FNBP4: variants seen among roughly 807,000 people sequenced by gnomAD.
FNBP4 encodes the protein formin binding protein 4.
FNBP4 carries 34 observed loss-of-function variants against 119.3 expected under a neutral mutation model. The observed-to-expected ratio is 0.28, with a 90% CI of 0.22 to 0.38. The LOEUF (loss-of-function observed/expected upper bound fraction) is 0.38. FNBP4 is among the 10% of genes least tolerant of loss of function. The pLI is 1.00. For missense variants in FNBP4, 1,112 were observed against 1,228.9 expected (o/e 0.90, Z 1.42); for synonymous variants, 462 against 430.6 (o/e 1.07, Z -0.90).
intron 15 of FNBP4, among the ~76,000 whole-genome samples, chr11:47,720,700 C>A (rs1019671811): frequency 3.3e-5 from 5 of 150,746 alleles, no homozygotes; most frequent in Non-Finnish European, 5.9e-5. Flanking sequence ...GCCTTTATCG[C>A]GTCTCAGAAT....
chr11:47,746,510 T>TA, intron 6 of FNBP4, 116 bp from the exon 7 acceptor site: 1 of 933,030 alleles, frequency 1.1e-6, no homozygotes, highest in Non-Finnish European at 1.6e-6. Flanking sequence ...ATACTCAAGG[T>TA]AAAAACGACT....
intron 15 of FNBP4, among the ~76,000 whole-genome samples, chr11:47,722,691 A>C (rs2097557175): frequency 6.6e-6 from 1 of 152,016 alleles, no homozygotes; most frequent in Non-Finnish European, 1.5e-5. Context: ...CCTGGGTTCA[A>C]GCGATTCTCC....
chr11:47,756,394 AGTTTTGTGTGTCAT>A (rs2097618273), intron 2 of FNBP4, among the ~76,000 whole-genome samples: 3 of 152,200 alleles, frequency 2.0e-5, no homozygotes, highest in African/African-American at 7.2e-5. Flanking sequence ...AGTTAAATCT[AGTTTTGTGTGTCAT>A]ACATCCCATA....
intron 8 of FNBP4, among the ~76,000 whole-genome samples, chr11:47,738,750 G>A (rs188089669): frequency 6.5e-4 from 98 of 150,802 alleles, no homozygotes; most frequent in African/African-American, 2.3e-3. Flanking sequence ...GAGCTATCTC[G>A]GCTCATTGCA....
intron 2 of FNBP4, among the ~76,000 whole-genome samples, chr11:47,755,406 G>A (rs549407896): frequency 4.4e-4 from 67 of 152,016 alleles, no homozygotes; most frequent in African/African-American, 1.5e-3. Context: ...CTGAGATCAC[G>A]CCACTGCACT....
At chr11:47,759,473 G>A (rs1004672302) in intron 2 of FNBP4, among the ~76,000 whole-genome samples, 26 of 151,708 alleles carry the variant, frequency 1.7e-4, no homozygotes, top group Admixed American at 1.3e-3. Context: ...CTTGGCCTCC[G>A]AAAGTGCTGA....
rs1474995001 is a variant in FNBP4, at chr11:47,740,662, C to T, written c.1456+3291G>A. Reference sequence around the variant, plus strand: ...AGGCTGAAGTGCAGTGGCACAAACTCGGCTCACTCCAACTTCCGCCTCCTG... The same window carrying T: ...AGGCTGAAGTGCAGTGGCACAAACTTGGCTCACTCCAACTTCCGCCTCCTG... On this transcript the variant is annotated intron_variant, in intron 8 of 16. Coordinates refer to ENST00000263773, the MANE Select transcript of FNBP4 (RefSeq NM_015308.5). Among the ~76,000 whole-genome samples the T allele has an allele frequency of 1.3e-5, 2 of 151,318 alleles. 1 individual carries two copies. Among genetic ancestry groups the T allele is most frequent in the African/African-American group, 4.9e-5 (2 of 40,802 alleles).
intron 6 of FNBP4, among the ~76,000 whole-genome samples, chr11:47,747,857 A>C (rs575629745): frequency 6.6e-6 from 1 of 152,230 alleles, no homozygotes; most frequent in South Asian, 2.1e-4. Context: ...CTGAGGCAGA[A>C]GAATCGCTTG....
At chr11:47,721,686 T>C (rs1247317351) in intron 15 of FNBP4, among the ~76,000 whole-genome samples, 3 of 152,020 alleles carry the variant, frequency 2.0e-5, no homozygotes, top group African/African-American at 7.2e-5. Flanking sequence ...CTTACCTTCA[T>C]TGTCTAAATC....
At position 47,734,044 on chromosome 11, in the gene FNBP4, A is replaced by T; in HGVS notation, c.1667T>A (p.Val556Glu). The change falls in exon 10 of 17, where the codon GTG becomes GAG. Residue 556 changes from valine to glutamate, a missense_variant. Around this residue, in one of 2 missense-constraint regions of FNBP4, gnomAD observed 826 missense variants for 988.8 expected, o/e 0.84. Coordinates refer to ENST00000263773, the MANE Select transcript of FNBP4 (RefSeq NM_015308.5). ...INRQSISNFH[V>E]LLLQTETRIA... ...ACTTACCTCAGTCTGTAAGAGCAGC[A>T]CATGAAAGTTGGAGATGGATTGTCT... is the stretch of plus-strand genomic sequence containing the variant. The T allele has an allele frequency of 6.4e-7, 1 of 1,557,934 alleles. No homozygotes were observed. The highest frequency in any genetic ancestry group is 8.7e-7 in the Non-Finnish European group (1 of 1,150,952).
intron 8 of FNBP4, among the ~76,000 whole-genome samples, chr11:47,737,335 A>C (rs959048225): frequency 1.3e-5 from 2 of 152,222 alleles, no homozygotes; most frequent in Non-Finnish European, 2.9e-5. Flanking sequence ...CTTCTCTTCC[A>C]GAATACCACT....
chr11:47,747,805 C>T (rs940975711), intron 6 of FNBP4, among the ~76,000 whole-genome samples: 2 of 151,700 alleles, frequency 1.3e-5, no homozygotes, highest in South Asian at 2.1e-4. Context: ...GAAATTAGCC[C>T]GGCATGGCGG....
intron 8 of FNBP4, among the ~76,000 whole-genome samples, chr11:47,738,435 G>A (rs1186829055): frequency 6.6e-6 from 1 of 151,814 alleles, no homozygotes; most frequent in African/African-American, 2.4e-5. Context: ...TGTGGTGCTG[G>A]GCGCCTGTAA....
chr11:47,754,355 T>TAAACA (rs1401483074), intron 3 of FNBP4, among the ~76,000 whole-genome samples, 173 bp downstream of exon 3: 3 of 151,742 alleles, frequency 2.0e-5, no homozygotes, highest in Non-Finnish European at 4.4e-5. Context: ...CTCTTAAAGT[T>TAAACA]AAACAAAACA....
intron 6 of FNBP4, among the ~76,000 whole-genome samples, chr11:47,748,751 G>A (rs1438305574): frequency 6.6e-6 from 1 of 151,966 alleles, no homozygotes; most frequent in Non-Finnish European, 1.5e-5. Context: ...CCAGATTCAA[G>A]CGATTCTCCT....
intron 8 of FNBP4, among the ~76,000 whole-genome samples, chr11:47,740,145 T>C (rs958620731): frequency 6.6e-6 from 1 of 151,876 alleles, no homozygotes; most frequent in Non-Finnish European, 1.5e-5. Flanking sequence ...TCAGGCGCAG[T>C]GTCTCACGCC....
intron 6 of FNBP4, among the ~76,000 whole-genome samples, chr11:47,748,821 G>A (rs1370924883): frequency 6.6e-6 from 1 of 151,776 alleles, no homozygotes; most frequent in Non-Finnish European, 1.5e-5. Flanking sequence ...AGTTATTTTA[G>A]TATTTTTAAT....
chr11:47,737,918 G>T lies in FNBP4; in HGVS notation c.1457-1178C>A, dbSNP rs571535758. Among the ~76,000 whole-genome samples, 5 of 152,088 alleles carry T rather than the reference G, an allele frequency of 3.3e-5. No individual in the cohort carries two copies. The East Asian group carries it at 9.7e-4, about 29-fold the overall frequency. On this transcript the variant is annotated intron_variant, in intron 8 of 16. Transcript: ENST00000263773. ...TGTGCCACCAAGCCTGGCTACTTTTGTATTTTTAGTAGAGATGGGGTTTCA... is the reference window on the plus strand; with the variant it reads ...TGTGCCACCAAGCCTGGCTACTTTTTTATTTTTAGTAGAGATGGGGTTTCA...
intron 8 of FNBP4, among the ~76,000 whole-genome samples, chr11:47,737,505 T>C (rs760088784): frequency 3.3e-5 from 5 of 152,074 alleles, no homozygotes; most frequent in Non-Finnish European, 5.9e-5. Flanking sequence ...AGTGGCATGA[T>C]CTCGGCTCAC....
Sources: allele counts gnomAD v4.1 joint callset (sites outside exome capture counted in the v4.1 genomes callset), GRCh38; gene constraint gnomAD v4.1.1; regional missense constraint gnomAD v4.1.1; transcripts MANE v1.5; gene names NCBI Gene and HGNC (gene_info 2026-07-23, HGNC 2026-07-21).